ZC3H7B: variants seen among roughly 807,000 people sequenced by gnomAD.
The protein encoded by ZC3H7B is zinc finger CCCH domain-containing protein 7B.
ZC3H7B carries 35 observed loss-of-function variants against 116.0 expected under a neutral mutation model. The ratio of observed to expected loss-of-function variants is 0.30; its 90% CI spans 0.23 to 0.40. The LOEUF is 0.40. ZC3H7B is among the 10% of genes least tolerant of loss of function. The pLI, the probability that ZC3H7B is intolerant of heterozygous loss-of-function variation, is 1.00. For missense variants in ZC3H7B, 1,011 were observed against 1,321.5 expected (o/e 0.77, Z 3.64); for synonymous variants, 502 against 545.6 (o/e 0.92, Z 1.11).
In ZC3H7B at chr22:41,327,646, GAC is replaced by G. The variant is rs1315542877; in HGVS notation, c.444+286_444+287del. On this transcript the variant is annotated intron_variant, in intron 5 of 22. Transcript: ENST00000352645. The surrounding 1 kb of genome is among the most constrained non-coding windows in gnomAD (Gnocchi z 4.5). ...TCTCATTTTAAAGATGATGAGGCCA[GAC>G]ACAGTGGCTCACGCCTGTAATCTCA... is the stretch of plus-strand genomic sequence containing the variant. Among the ~76,000 whole-genome samples, 2 of 152,276 alleles carry G rather than the reference GAC, an allele frequency of 1.3e-5. No individual in the cohort carries two copies. The highest frequency in any genetic ancestry group is 4.8e-5 in the African/African-American group (2 of 41,476).
At position 41,357,756 on chromosome 22, in the gene ZC3H7B, C is replaced by T. The variant is rs1375163242; in HGVS notation, c.*327C>T. 1 of 372,730 alleles carries T rather than the reference C, an allele frequency of 2.7e-6. No individual in the cohort carries two copies. The highest frequency in any genetic ancestry group is 3.8e-5 in the Admixed American group (1 of 26,134). The allele number at this position is 372,730 out of a possible 1,614,324, so 23.1% of individuals were successfully genotyped here. A position where few individuals can be genotyped will look rare whatever the true frequency, so the allele number is the denominator to read the frequency against. On this transcript the variant is annotated 3_prime_UTR_variant, in exon 23 of 23. Coordinates refer to ENST00000352645, the MANE Select transcript of ZC3H7B (RefSeq NM_017590.6). The surrounding 1 kb of genome is among the most constrained non-coding windows in gnomAD (Gnocchi z 5.4). ...AACTTCTGTCTGCTCCTAATGGGGG[C>T]CCAAAGCTCAGGGCTGGGGAGCCTG...
intron 1 of ZC3H7B, among the ~76,000 whole-genome samples, chr22:41,307,800 A>G (rs7289932): frequency 0.39 from 58,560 of 151,928 alleles, 12,052 homozygotes; most frequent in Non-Finnish European, 0.45. Flanking sequence ...CTAAGTTAAC[A>G]CTTCTGAGAT....
At chr22:41,303,203 A>AT (rs2035996653) in intron 1 of ZC3H7B, among the ~76,000 whole-genome samples, 1 of 152,178 alleles carries the variant, frequency 6.6e-6, no homozygotes, top group African/African-American at 2.4e-5. Context: ...AGTTGGATGG[A>AT]GCATGTTTGA....
At chr22:41,353,779 C>T (rs1480351060) in intron 17 of ZC3H7B, among the ~76,000 whole-genome samples, 4 of 152,232 alleles carry the variant, frequency 2.6e-5, no homozygotes, top group Admixed American at 1.3e-4. Flanking sequence ...TCCCTGACTT[C>T]TTTGTTCCTG....
chr22:41,327,091 C>A lies in ZC3H7B; in HGVS notation c.286-115C>A. On this transcript the variant is annotated intron_variant, in intron 4 of 22. Transcript: ENST00000352645. This position sits in a 1 kb window ranked among gnomAD's most constrained non-coding sequence, Gnocchi z 4.5. The stretch of plus-strand genomic sequence containing the variant: ...CCCTGTCCCTGACCCAAGACTTCAG[C>A]TCCTCTGTCTCTGCCAGGAAGGGAA... 1 of 1,455,248 alleles carries A rather than the reference C, an allele frequency of 6.9e-7. No individual in the cohort carries two copies. The highest frequency in any genetic ancestry group is 9.2e-7 in the Non-Finnish European group (1 of 1,082,122). The allele number at this position is 1,455,248 out of a possible 1,614,324, so 90.1% of individuals were successfully genotyped here.
At chr22:41,341,699 C>T (rs572996395) in intron 11 of ZC3H7B, among the ~76,000 whole-genome samples, 3 of 152,026 alleles carry the variant, frequency 2.0e-5, no homozygotes, top group East Asian at 1.9e-4. Flanking sequence ...GCCGAGATCG[C>T]GCCACTGCAT....
rs768381222 is a variant in ZC3H7B at position 41,327,390 on chromosome 22, G to A, written c.444+26G>A. 20 of 1,603,088 alleles carry A rather than the reference G, an allele frequency of 1.2e-5. No homozygotes were observed. Among genetic ancestry groups the A allele is most frequent in the South Asian group, 3.3e-5 (3 of 90,934 alleles). ...GTGAGTGTGGCTCTGCAGCCACGCC[G>A]GTGCCTGCTCAGAGGCCAGGCTTCT... On this transcript the variant is annotated intron_variant, in intron 5 of 22. Transcript: ENST00000352645. This position sits in a 1 kb window ranked among gnomAD's most constrained non-coding sequence, Gnocchi z 4.5.
rs765153898 is a variant in ZC3H7B at position 41,354,627 on chromosome 22, GA to G, written c.2035-841del. Among the ~76,000 whole-genome samples, 66 of 152,268 alleles carry G rather than the reference GA, an allele frequency of 4.3e-4. 1 individual carries two copies. The highest frequency in any genetic ancestry group is 9.8e-4 in the Admixed American group (15 of 15,306). ...GGGAGGCTTGAGGTTATATGAGGGA[GA>G]GGGGACAGCTGGTGCATTCACAGAA... On this transcript the variant is annotated intron_variant, in intron 17 of 22. Transcript: ENST00000352645.
At chr22:41,344,628 A>G (rs540754462) in intron 13 of ZC3H7B, among the ~76,000 whole-genome samples, 1 of 152,144 alleles carries the variant, frequency 6.6e-6, no homozygotes, top group Admixed American at 6.5e-5. Flanking sequence ...CCACTCCTCC[A>G]GGTCTGTGGC....
In ZC3H7B at chr22:41,338,886, G is replaced by T; in HGVS notation, c.626-115G>T. The T allele has an allele frequency of 8.2e-7, 1 of 1,213,216 alleles. No individual in the cohort carries two copies. Among genetic ancestry groups the T allele is most frequent in the South Asian group, 1.7e-5 (1 of 60,178 alleles). The allele number at this position is 1,213,216 out of a possible 1,614,324, so 75.2% of individuals were successfully genotyped here. On this transcript the variant is annotated intron_variant, in intron 8 of 22. Transcript: ENST00000352645. This position sits in a 1 kb window ranked among gnomAD's most constrained non-coding sequence, Gnocchi z 4.5. ...AGCCGATGGGGAAGGCAGGGCTCCT[G>T]GCAAGAGCTGAAAGAAGAAGGGAAA...
intron 5 of ZC3H7B, 118 bp from the exon 6 acceptor site, chr22:41,329,905 C>T: frequency 1.0e-6 from 1 of 992,596 alleles, no homozygotes; most frequent in South Asian, 1.9e-5. Flanking sequence ...GCCTCACTTT[C>T]TCATCTATAA....
In ZC3H7B at chr22:41,351,575, G is replaced by GA; in HGVS notation, c.1964dup (p.Asp655GlufsTer7). On this transcript the variant is annotated frameshift_variant, in exon 17 of 23. Transcript: ENST00000352645. LOFTEE classifies it high-confidence loss of function. The surrounding 1 kb of genome is among the most constrained non-coding windows in gnomAD (Gnocchi z 5.1). ...ACCCTCCCCAGGCATGACCCACGAA[G>GA]ACATCGTTCAGGAGTCTAAGAAGTA... 6.2e-7 allele frequency: 1 copy of GA among 1,613,820 alleles called. No individual in the cohort carries two copies. Among genetic ancestry groups the GA allele is most frequent in the Non-Finnish European group, 8.5e-7 (1 of 1,179,898 alleles).
intron 2 of ZC3H7B, among the ~76,000 whole-genome samples, chr22:41,324,744 G>A (rs1020808322): frequency 6.6e-6 from 1 of 152,206 alleles, no homozygotes; most frequent in African/African-American, 2.4e-5. Flanking sequence ...TGTTATGTGG[G>A]ATTGGGCAGG....
At chr22:41,339,291 T>G (rs2036486460) in intron 9 of ZC3H7B, 100 bp downstream of exon 9, 2 of 1,415,664 alleles carry the variant, frequency 1.4e-6, no homozygotes, top group African/African-American at 2.9e-5. Context: ...TCATGTCATG[T>G]GTCTCAGGAG....
chr22:41,324,564 G>A (rs1434482740), intron 2 of ZC3H7B, among the ~76,000 whole-genome samples: 2 of 152,220 alleles, frequency 1.3e-5, no homozygotes, highest in Non-Finnish European at 2.9e-5. Context: ...TGGCCATTGA[G>A]CCCATTGGAG....
chr22:41,349,112 C>G lies in ZC3H7B; in HGVS notation c.1767-8C>G. The G allele has an allele frequency of 6.2e-7, 1 of 1,612,294 alleles. No homozygotes were observed. Among genetic ancestry groups the G allele is most frequent in the Non-Finnish European group, 8.5e-7 (1 of 1,179,776 alleles). ...GCATCGTGCCCCTCCTGCCTGCCCG[C>G]CCGCCAGGTGCCTGGTGCACATCGT... On this transcript the variant is annotated splice_region_variant and splice_polypyrimidine_tract_variant and intron_variant, in intron 15 of 22. Coordinates refer to ENST00000352645, the MANE Select transcript of ZC3H7B (RefSeq NM_017590.6). The surrounding 1 kb of genome is among the most constrained non-coding windows in gnomAD (Gnocchi z 4.9).
chr22:41,323,114 T>C (rs1328033595), intron 2 of ZC3H7B, among the ~76,000 whole-genome samples: 1 of 152,182 alleles, frequency 6.6e-6, no homozygotes, highest in African/African-American at 2.4e-5. Flanking sequence ...TGGGCTGATT[T>C]GATTAGGGGT....
rs1224965594 is a variant in ZC3H7B at position 41,338,319 on chromosome 22, T to G, written c.589T>G (p.Ser197Ala). 6.2e-7 allele frequency: 1 copy of G among 1,613,708 alleles called. No individual in the cohort carries two copies. Among genetic ancestry groups the G allele is most frequent in the Non-Finnish European group, 8.5e-7 (1 of 1,179,902 alleles). ...TGTGGCCCTCTCCCCACAGGGAACT[T>G]CTAATGGATTGGGGTCCATAGATGA... ...TAAGVADQGT[S>A]NGLGSIDDIE... Residue 197 changes from serine to alanine, a missense_variant, in exon 8 of 23, where the codon TCT (serine) becomes GCT (alanine). Ser to Ala is a moderately conservative substitution (Grantham distance 99, BLOSUM62 1). Around this residue, in one of 5 missense-constraint regions of ZC3H7B, gnomAD observed 322 missense variants for 443.9 expected, o/e 0.73. Transcript: ENST00000352645. The surrounding 1 kb of genome is among the most constrained non-coding windows in gnomAD (Gnocchi z 4.5).
intron 17 of ZC3H7B, among the ~76,000 whole-genome samples, chr22:41,352,188 A>G (rs1320707217): frequency 1.3e-5 from 2 of 152,022 alleles, no homozygotes; most frequent in East Asian, 3.9e-4. Context: ...CTTGTGTTGC[A>G]TTGAGGTTTT....
Sources: gnomAD v4.1 joint callset for allele counts (sites outside exome capture counted in the v4.1 genomes callset) on GRCh38, gnomAD v4.1.1 for gene constraint, gnomAD v4.1.1 regional missense constraint, Gnocchi (gnomAD v3.1) non-coding constraint, MANE v1.5 for transcripts, NCBI Gene and HGNC (gene_info 2026-07-23, HGNC 2026-07-21) for gene names.